Variants in RAB37 observed in about 807,000 individuals in gnomAD.
The protein encoded by RAB37 is RAB37, member RAS oncogene family, also known as ras-related protein Rab-37.
A neutral mutation model predicts 33.1 loss-of-function variants in RAB37; 29 were observed. The ratio of observed to expected loss-of-function variants is 0.88; its 90% CI spans 0.65 to 1.20. The LOEUF (loss-of-function observed/expected upper bound fraction) is 1.20, where lower values mean the gene tolerates loss of function less well. Ranked by LOEUF, RAB37 falls within the 50% of genes most tolerant of loss-of-function variation. RAB37 has a pLI of 0.00. For missense variants in RAB37, 299 were observed against 301.1 expected (o/e 0.99, Z 0.05); for synonymous variants, 128 against 119.5 (o/e 1.07, Z -0.47).
At chr17:74,728,708 CAT>C (rs1296790609) in intron 1 of RAB37, among the ~76,000 whole-genome samples, 1 of 151,412 alleles carries the variant, frequency 6.6e-6, no homozygotes, top group African/African-American at 2.4e-5. Context: ...CATGTGTGTG[CAT>C]GTGTGTTCTG....
chr17:74,677,880 T>TTTAA (rs2031870164), intron 1 of RAB37, among the ~76,000 whole-genome samples: 2 of 152,190 alleles, frequency 1.3e-5, no homozygotes, highest in Admixed American at 1.3e-4. Context: ...CATCCTTTCC[T>TTTAA]TTAATTTGTG....
intron 1 of RAB37, among the ~76,000 whole-genome samples, chr17:74,720,435 C>G (rs2034223801): frequency 6.6e-6 from 1 of 151,812 alleles, no homozygotes; most frequent in African/African-American, 2.4e-5. Flanking sequence ...AAAAAAAAAC[C>G]CAAAATTTGG....
At position 74,671,319 on chromosome 17, in the gene RAB37, A is replaced by G. The variant is rs1191254626; in HGVS notation, c.-268A>G. The G allele has an allele frequency of 4.0e-6, 2 of 496,236 alleles. No homozygotes were observed. The highest frequency in any genetic ancestry group is 7.3e-6 in the Non-Finnish European group (2 of 274,836). 30.7% of individuals were successfully genotyped at this position (496,236 alleles called of 1,614,324 possible). A position where few individuals can be genotyped will look rare whatever the true frequency, so the allele number is the denominator to read the frequency against. ...CTAAGAGGCAGGGATTGGAGCGGAC[A>G]GGATCTCAGAACTCTGGTCCCGGGC... On this transcript the variant is annotated 5_prime_UTR_variant, in exon 1 of 8. Transcript: ENST00000340415. The surrounding 1 kb of genome is among the most constrained non-coding windows in gnomAD (Gnocchi z 5.0).
At chr17:74,739,356 C>T (rs1321816935) in intron 1 of RAB37, among the ~76,000 whole-genome samples, 1 of 152,080 alleles carries the variant, frequency 6.6e-6, no homozygotes, top group African/African-American at 2.4e-5. Context: ...GAGGGCCACG[C>T]CCCCTCCACA....
At chr17:74,674,319 A>AGG (rs2031774109) in intron 1 of RAB37, among the ~76,000 whole-genome samples, 1 of 150,186 alleles carries the variant, frequency 6.7e-6, no homozygotes, top group African/African-American at 2.5e-5. Context: ...TGGCCTCAAG[A>AGG]GATCCACCCG....
In RAB37 at chr17:74,742,137, G is replaced by A. The variant is rs1303109877; in HGVS notation, c.205-117G>A. ...CTGATGGTATGATCTGGCTGGAGAC[G>A]GTTCTGGGGCTCACTGCACCCACTC... On this transcript the variant is annotated intron_variant, in intron 2 of 8. Coordinates refer to ENST00000392613, the MANE Select transcript of RAB37 (RefSeq NM_001006638.3). The surrounding 1 kb of genome is among the most constrained non-coding windows in gnomAD (Gnocchi z 4.0). 29 of 1,264,510 alleles carry A rather than the reference G, an allele frequency of 2.3e-5. No individual in the cohort carries two copies. Among genetic ancestry groups the A allele is most frequent in the Admixed American group, 4.7e-5 (2 of 42,490 alleles). 78.3% of individuals were successfully genotyped at this position (1,264,510 alleles called of 1,614,324 possible).
At chr17:74,718,327 ATC>A (rs2034194204) in intron 1 of RAB37, among the ~76,000 whole-genome samples, 5 of 149,122 alleles carry the variant, frequency 3.4e-5, no homozygotes, top group Non-Finnish European at 3.0e-5. Context: ...ATCATATCAT[ATC>A]ATATCATATC....
In RAB37 at chr17:74,742,571, T is replaced by G. The variant is rs751192007; in HGVS notation, c.246+276T>G. Among the ~76,000 whole-genome samples, 30 of 152,296 alleles carry G rather than the reference T, an allele frequency of 2.0e-4. No homozygotes were observed. Among genetic ancestry groups the G allele is most frequent in the Non-Finnish European group, 3.8e-4 (26 of 68,022 alleles). ...AGGGCTTTATCTGCTCTTAGGAGAT[T>G]GGACATCCCCAACCCCTGAGCTAGG... On this transcript the variant is annotated intron_variant, in intron 3 of 8. Coordinates refer to ENST00000392613, the MANE Select transcript of RAB37 (RefSeq NM_001006638.3). The surrounding 1 kb of genome is among the most constrained non-coding windows in gnomAD (Gnocchi z 4.0).
chr17:74,727,809 G>A (rs1262155773), intron 1 of RAB37, among the ~76,000 whole-genome samples: 2 of 151,998 alleles, frequency 1.3e-5, no homozygotes, highest in African/African-American at 2.4e-5. Context: ...TGTGTGTCTG[G>A]GTGTATGTGT....
intron 1 of RAB37, among the ~76,000 whole-genome samples, chr17:74,706,606 T>C (rs1397632659): frequency 6.6e-6 from 1 of 152,092 alleles, no homozygotes; most frequent in Non-Finnish European, 1.5e-5. Flanking sequence ...AGGCAGAGGT[T>C]GCAATGAGCC....
chr17:74,710,487 G>A (rs2033866325), intron 1 of RAB37, among the ~76,000 whole-genome samples: 1 of 152,088 alleles, frequency 6.6e-6, no homozygotes, highest in Non-Finnish European at 1.5e-5. Flanking sequence ...GTAGAAAAGT[G>A]CTCATTTACA....
At chr17:74,680,036 C>T (rs868712362) in intron 1 of RAB37, among the ~76,000 whole-genome samples, 1 of 151,536 alleles carries the variant, frequency 6.6e-6, no homozygotes, top group African/African-American at 2.4e-5. Context: ...AGGTCATAGC[C>T]AGCATTGTGG....
At chr17:74,726,627 T>C (rs1334301269) in intron 1 of RAB37, among the ~76,000 whole-genome samples, 2 of 152,064 alleles carry the variant, frequency 1.3e-5, no homozygotes, top group African/African-American at 4.8e-5. Flanking sequence ...CAGGAGGAAA[T>C]AAAAGCTGGA....
chr17:74,708,343 G>A (rs1156369420), intron 1 of RAB37, among the ~76,000 whole-genome samples: 4 of 151,920 alleles, frequency 2.6e-5, no homozygotes, highest in Non-Finnish European at 5.9e-5. Context: ...TACCAAACAC[G>A]TAAAGAAGAA....
At chr17:74,734,199 G>A (rs2034433423), upstream of RAB37, among the ~76,000 whole-genome samples, 1 of 152,174 alleles carries the variant, frequency 6.6e-6, no homozygotes, top group Admixed American at 6.5e-5. Flanking sequence ...CCATGGCCTT[G>A]GTGGCTCCCA....
At chr17:74,741,315 T>C (rs2034609410) in intron 2 of RAB37, among the ~76,000 whole-genome samples, 1 of 151,936 alleles carries the variant, frequency 6.6e-6, no homozygotes, top group African/African-American at 2.4e-5. Flanking sequence ...GGGCCGGGCA[T>C]GGTGGCTCTT....
At position 74,741,587 on chromosome 17, in the gene RAB37, G is replaced by GAA. The variant is rs535783718; in HGVS notation, c.205-652_205-651dup. On this transcript the variant is annotated intron_variant, in intron 2 of 8. Transcript: ENST00000392613. ...GGCAACAAAGTGAGACTGCGTCTCA[G>GAA]AAAAAAAAAAAAAAAAGAGCTGGGC... Among the ~76,000 whole-genome samples the GAA allele has an allele frequency of 1.8e-3, 225 of 127,106 alleles. 4 individuals are homozygous for GAA. The East Asian group carries it at 0.022, about 12-fold the overall frequency. The allele number at this position is 127,106 out of a possible 152,430, so 83.4% of individuals were successfully genotyped here. A position where few individuals can be genotyped will look rare whatever the true frequency, so the allele number is the denominator to read the frequency against.
chr17:74,673,275 C>G (rs997475961), intron 1 of RAB37, among the ~76,000 whole-genome samples: 1 of 151,420 alleles, frequency 6.6e-6, no homozygotes, highest in Non-Finnish European at 1.5e-5. Flanking sequence ...TGGTGGTGTG[C>G]GCCTGTGATC....
intron 1 of RAB37, among the ~76,000 whole-genome samples, chr17:74,701,979 A>C (rs1229442960): frequency 6.6e-6 from 1 of 151,998 alleles, no homozygotes; most frequent in African/African-American, 2.4e-5. Flanking sequence ...CCAAGATGGC[A>C]CCATGCACTC....
Sources: gnomAD v4.1 joint callset for allele counts (sites outside exome capture counted in the v4.1 genomes callset) on GRCh38, gnomAD v4.1.1 for gene constraint, Gnocchi (gnomAD v3.1) non-coding constraint, MANE v1.5 for transcripts, NCBI Gene and HGNC (gene_info 2026-07-23, HGNC 2026-07-21) for gene names.